CNBD1: variants seen among roughly 807,000 people sequenced by gnomAD.
The protein encoded by CNBD1 is cyclic nucleotide binding domain containing 1, also known as cyclic nucleotide-binding domain-containing protein 1.
In CNBD1, 71 loss-of-function variants were observed where a neutral mutation model predicts 54.4. That is an observed-to-expected ratio of 1.30 (90% CI 1.08 to 1.59). The LOEUF (loss-of-function observed/expected upper bound fraction) is 1.59. Among genes scored for constraint, CNBD1 ranks in the 40% most tolerant of loss-of-function variants. The pLI, the probability that CNBD1 is intolerant of heterozygous loss-of-function variation, is 0.00. For synonymous variants in CNBD1, 182 were observed against 170.7 expected, an observed-to-expected ratio of 1.07 and a Z score of -0.51; for missense variants, 659 against 518.0, an observed-to-expected ratio of 1.27 and a Z score of -2.64.
chr8:87,281,736 G>C (rs571309478), intron 6 of CNBD1, among the ~76,000 whole-genome samples: 1 of 150,388 alleles, frequency 6.6e-6, no homozygotes, highest in Non-Finnish European at 1.5e-5. Flanking sequence ...TATTTTAATA[G>C]ATATTGCCAG....
chr8:87,018,853 A>G (rs988138611), intron 4 of CNBD1, among the ~76,000 whole-genome samples: 26 of 152,154 alleles, frequency 1.7e-4, no homozygotes, highest in Admixed American at 2.6e-4. Flanking sequence ...AACAAAATCA[A>G]ACCCTCCAAA....
At chr8:87,305,625 C>T (rs1458866923) in intron 8 of CNBD1, among the ~76,000 whole-genome samples, 1 of 152,040 alleles carries the variant, frequency 6.6e-6, no homozygotes, top group Non-Finnish European at 1.5e-5. Flanking sequence ...AACTGAACTT[C>T]AACAAAGCAA....
chr8:87,393,597 A>C (rs992681106), intron 2 of CNBD1, among the ~76,000 whole-genome samples: 1 of 151,836 alleles, frequency 6.6e-6, no homozygotes, highest in African/African-American at 2.4e-5. Context: ...CTGGCTTGTG[A>C]AAATAAAAAG....
chr8:87,350,820 A>G (rs1389241360), intron 8 of CNBD1, among the ~76,000 whole-genome samples: 2 of 151,462 alleles, frequency 1.3e-5, no homozygotes, highest in African/African-American at 4.9e-5. Flanking sequence ...TAATTTATAT[A>G]TTGCCAAGTA....
intron 4 of CNBD1, among the ~76,000 whole-genome samples, chr8:87,116,531 C>CT (rs1014952396): frequency 1.3e-5 from 2 of 151,952 alleles, no homozygotes; most frequent in Admixed American, 6.6e-5. Context: ...CTTATATAAT[C>CT]TTTTTTTAAG....
intron 2 of CNBD1, among the ~76,000 whole-genome samples, chr8:87,413,003 C>T (rs778688474): frequency 2.6e-5 from 4 of 151,950 alleles, no homozygotes; most frequent in East Asian, 1.9e-4. Context: ...ATCTTCAGGG[C>T]GAGATACAAC....
chr8:87,144,558 A>G (rs1812442179), intron 4 of CNBD1, among the ~76,000 whole-genome samples: 1 of 152,220 alleles, frequency 6.6e-6, no homozygotes, highest in African/African-American at 2.4e-5. Context: ...AAAAAAATGT[A>G]ATTGTAGAAT....
chr8:87,052,505 T>C (rs1481021247), intron 4 of CNBD1, among the ~76,000 whole-genome samples: 1 of 152,220 alleles, frequency 6.6e-6, no homozygotes, highest in Non-Finnish European at 1.5e-5. Context: ...AGAAAGTGTT[T>C]TCTTTCCCAC....
intron 6 of CNBD1, among the ~76,000 whole-genome samples, chr8:87,265,157 C>T (rs13268709): frequency 0.62 from 93,428 of 151,906 alleles, 29,010 homozygotes; most frequent in Middle Eastern, 0.69. Flanking sequence ...GTCTTTAATC[C>T]GTCTTGAATT....
chr8:87,388,362 C>A (rs1038316694), intron 2 of CNBD1, among the ~76,000 whole-genome samples: 2 of 101,950 alleles, frequency 2.0e-5, no homozygotes, highest in Non-Finnish European at 3.9e-5. Context: ...GCTAGAAAGA[C>A]TAATGAAGAA....
At chr8:87,087,652 G>A (rs979699221) in intron 4 of CNBD1, among the ~76,000 whole-genome samples, 4 of 151,716 alleles carry the variant, frequency 2.6e-5, no homozygotes, top group Admixed American at 1.3e-4. Context: ...ATTTTTAGTA[G>A]AGACGGGGTT....
intron 4 of CNBD1, among the ~76,000 whole-genome samples, chr8:86,941,975 G>A (rs1225843489): frequency 6.6e-6 from 1 of 152,160 alleles, no homozygotes; most frequent in Admixed American, 6.5e-5. Flanking sequence ...TCAGAATTGG[G>A]CAGCCAGGAC....
chr8:87,349,224 T>C lies in CNBD1; in HGVS notation c.1043-2461T>C, dbSNP rs768540964. Among the ~76,000 whole-genome samples the C allele has an allele frequency of 3.9e-5, 6 of 152,182 alleles. No individual in the cohort carries two copies. The East Asian group carries it at 9.6e-4, about 24-fold the overall frequency. On this transcript the variant is annotated intron_variant, in intron 8 of 10. Transcript: ENST00000518476. ...GGAAAGGGTATCCAAACAACATTTA[T>C]CTTGACAGCATAAGTTCTTAAAAAT...
chr8:87,213,012 A>G (rs1382824349), intron 5 of CNBD1, among the ~76,000 whole-genome samples: 1 of 152,086 alleles, frequency 6.6e-6, no homozygotes, highest in Non-Finnish European at 1.5e-5. Context: ...TAACAAGAAG[A>G]CAATTAACCC....
At chr8:87,222,689 A>C (rs1419522947) in intron 5 of CNBD1, among the ~76,000 whole-genome samples, 2 of 152,206 alleles carry the variant, frequency 1.3e-5, no homozygotes, top group East Asian at 3.8e-4. Context: ...ATGTTTAGCA[A>C]GATTCACAAT....
At chr8:86,868,128 T>C (rs1308802445) in intron 1 of CNBD1, among the ~76,000 whole-genome samples, 1 of 152,196 alleles carries the variant, frequency 6.6e-6, no homozygotes, top group Admixed American at 6.5e-5. Flanking sequence ...CAATGTGTAA[T>C]GAATGCTTTC....
At chr8:86,930,096 A>T (rs1427197751) in intron 3 of CNBD1, among the ~76,000 whole-genome samples, 1 of 152,142 alleles carries the variant, frequency 6.6e-6, no homozygotes, top group Non-Finnish European at 1.5e-5. Context: ...CTCCTTGATT[A>T]GAGTATAGAG....
At chr8:87,014,526 G>A (rs61587558) in intron 4 of CNBD1, among the ~76,000 whole-genome samples, 4 of 151,724 alleles carry the variant, frequency 2.6e-5, no homozygotes, top group African/African-American at 9.7e-5. Context: ...GCTATAAAAA[G>A]GGTTTATAGA....
intron 10 of CNBD1, among the ~76,000 whole-genome samples, chr8:87,363,775 T>C (rs1335042610): frequency 1.3e-5 from 2 of 152,076 alleles, no homozygotes; most frequent in African/African-American, 4.8e-5. Context: ...GATGGATAGA[T>C]TGCAAAATTT....
Sources: gnomAD v4.1 joint callset for allele counts (sites outside exome capture counted in the v4.1 genomes callset) on GRCh38, gnomAD v4.1.1 for gene constraint, MANE v1.5 for transcripts, NCBI Gene and HGNC (gene_info 2026-07-23, HGNC 2026-07-21) for gene names.